CEP55: variants seen among roughly 807,000 people sequenced by gnomAD.
CEP55 encodes centrosomal protein of 55 kDa.
In CEP55, 57 loss-of-function variants were observed where a neutral mutation model predicts 63.2. The observed-to-expected ratio is 0.90, with a 90% CI of 0.73 to 1.13. The LOEUF is 1.13. CEP55 is among the 50% of genes most tolerant of loss of function. CEP55 has a pLI of 0.00. For synonymous variants in CEP55, 178 were observed against 191.6 expected, an observed-to-expected ratio of 0.93 and a Z score of 0.59; for missense variants, 456 against 518.9, an observed-to-expected ratio of 0.88 and a Z score of 1.18.
At chr10:93,526,521 G>A (rs1343934475) in intron 8 of CEP55, among the ~76,000 whole-genome samples, 1 of 152,206 alleles carries the variant, frequency 6.6e-6, no homozygotes, top group Non-Finnish European at 1.5e-5. Context: ...GTGGAAGTCA[G>A]TGTGGCAATT....
At chr10:93,512,514 CAAAA>C (rs10707952) in intron 4 of CEP55, among the ~76,000 whole-genome samples, 22 of 91,904 alleles carry the variant, frequency 2.4e-4, no homozygotes, top group South Asian at 4.0e-4. Context: ...AACTCCGTCT[CAAAA>C]AAAAAAAAAA....
At position 93,528,364 on chromosome 10, in the gene CEP55, A is replaced by G. The variant is rs770861276; in HGVS notation, c.*211A>G. 2.3e-5 allele frequency: 13 copies of G among 575,902 alleles called. No individual in the cohort carries two copies. Among genetic ancestry groups the G allele is most frequent in the Admixed American group, 3.1e-5 (1 of 31,838 alleles). 35.7% of individuals were successfully genotyped at this position (575,902 alleles called of 1,614,324 possible). ...TGACATGGTTCATCATCAGGCTGCA[A>G]TGACAGAATGTGGTGAGCAGCGTCT... is the stretch of plus-strand genomic sequence containing the variant. On this transcript the variant is annotated 3_prime_UTR_variant, in exon 9 of 9. Coordinates refer to ENST00000371485, the MANE Select transcript of CEP55 (RefSeq NM_018131.5).
intron 3 of CEP55, among the ~76,000 whole-genome samples, chr10:93,506,726 C>G (rs1171746010): frequency 6.6e-6 from 1 of 152,156 alleles, no homozygotes; most frequent in Non-Finnish European, 1.5e-5. Flanking sequence ...GGCCACCAGG[C>G]TCAGCTAATT....
At chr10:93,501,667 CA>C (rs1266909831) in intron 2 of CEP55, among the ~76,000 whole-genome samples, 10 of 143,950 alleles carry the variant, frequency 6.9e-5, no homozygotes, top group South Asian at 2.2e-4. Flanking sequence ...ACTTCTGTCT[CA>C]AAAAAAAAAT....
rs751889850 is a variant in CEP55, at chr10:93,516,905, T to C, written c.680-30T>C. 5.0e-6 allele frequency: 7 copies of C among 1,394,684 alleles called. No homozygotes were observed. The East Asian group carries it at 1.4e-4, about 28-fold the overall frequency. 86.4% of individuals were successfully genotyped at this position (1,394,684 alleles called of 1,614,324 possible). ...CAGGAATATTATTTATTTTATAAAG[T>C]GAGTTGTGCCGTAATGTTGTTTGTC... On this transcript the variant is annotated intron_variant, in intron 5 of 8. Transcript: ENST00000371485.
chr10:93,524,785 A>G (rs560643598), intron 8 of CEP55, among the ~76,000 whole-genome samples: 3 of 152,240 alleles, frequency 2.0e-5, no homozygotes, highest in African/African-American at 7.2e-5. Flanking sequence ...CTGGTTCAAC[A>G]TACGCAAATC....
intron 3 of CEP55, 116 bp from the exon 4 acceptor site, chr10:93,506,872 C>G: frequency 1.3e-6 from 1 of 771,306 alleles, no homozygotes; most frequent in Non-Finnish European, 2.4e-6. Context: ...CCGTGCCCAG[C>G]CTAGATCTGG....
At chr10:93,522,280 C>T (rs894189544) in intron 8 of CEP55, among the ~76,000 whole-genome samples, 11 of 152,164 alleles carry the variant, frequency 7.2e-5, no homozygotes, top group African/African-American at 9.7e-5. Context: ...ACGAGAACAA[C>T]ATGACGAATG....
chr10:93,523,915 G>C (rs1279239165), intron 8 of CEP55, among the ~76,000 whole-genome samples: 2 of 152,212 alleles, frequency 1.3e-5, no homozygotes, highest in Non-Finnish European at 2.9e-5. Context: ...CAACATACCA[G>C]AATCTCTGGG....
rs1438128882 is a variant in CEP55, at chr10:93,526,600, G to C, written c.1192-1350G>C. Among the ~76,000 whole-genome samples, 6 of 152,220 alleles carry C rather than the reference G, an allele frequency of 3.9e-5. No homozygotes were observed. The East Asian group carries it at 9.7e-4, about 24-fold the overall frequency. ...CATTACTGGGTATATACCCAAAGGAGTATAAATCATGCTGCTATAAAGACA... is the reference window on the plus strand; with the variant it reads ...CATTACTGGGTATATACCCAAAGGACTATAAATCATGCTGCTATAAAGACA... On this transcript the variant is annotated intron_variant, in intron 8 of 8. Coordinates refer to ENST00000371485, the MANE Select transcript of CEP55 (RefSeq NM_018131.5).
intron 8 of CEP55, among the ~76,000 whole-genome samples, chr10:93,521,256 G>A (rs1277034019): frequency 4.6e-5 from 7 of 152,098 alleles, no homozygotes; most frequent in Non-Finnish European, 1.5e-5. Context: ...CTAATACTGC[G>A]CTATTCCGAC....
intron 2 of CEP55, among the ~76,000 whole-genome samples, 173 bp downstream of exon 2, chr10:93,500,407 T>C (rs570356397): frequency 6.6e-6 from 1 of 152,326 alleles, no homozygotes; most frequent in Admixed American, 6.5e-5. Context: ...CTTTGCCAAG[T>C]CTTAGATGTA....
At chr10:93,518,454 A>G (rs1481360719) in intron 6 of CEP55, among the ~76,000 whole-genome samples, 1 of 152,068 alleles carries the variant, frequency 6.6e-6, no homozygotes, top group African/African-American at 2.4e-5. Context: ...CCAGCCTGCC[A>G]TCTTAGTCTT....
intron 4 of CEP55, 79 bp from the exon 5 acceptor site, chr10:93,515,326 C>T (rs997547437): frequency 3.0e-6 from 4 of 1,332,658 alleles, no homozygotes; most frequent in Admixed American, 4.2e-5. Context: ...GAAAAGACTA[C>T]ATCACTTGGA....
At chr10:93,521,140 G>C (rs968926313) in intron 8 of CEP55, among the ~76,000 whole-genome samples, 1 of 152,070 alleles carries the variant, frequency 6.6e-6, no homozygotes, top group African/African-American at 2.4e-5. Flanking sequence ...ACCGAAGCAG[G>C]GTGAGGCATC....
intron 6 of CEP55, 58 bp downstream of exon 6, chr10:93,517,306 G>C (rs1235688345): frequency 1.4e-6 from 2 of 1,409,522 alleles, no homozygotes; most frequent in African/African-American, 2.9e-5. Context: ...TAAGTGTCAG[G>C]GACTATTTGA....
At chr10:93,497,731 G>T in intron 1 of CEP55, among the ~76,000 whole-genome samples, 1 of 151,514 alleles carries the variant, frequency 6.6e-6, no homozygotes. Context: ...GTGGGGGTGG[G>T]GCAGCTATAT....
chr10:93,524,576 C>CTA (rs2057900225), intron 8 of CEP55, among the ~76,000 whole-genome samples: 1 of 152,182 alleles, frequency 6.6e-6, no homozygotes, highest in Admixed American at 6.5e-5. Context: ...GGAGTCCTCC[C>CTA]TAACTCATTT....
chr10:93,515,481 T>C lies in CEP55; in HGVS notation c.605T>C (p.Ile202Thr). 6.2e-7 allele frequency: 1 copy of C among 1,613,884 alleles called. No individual in the cohort carries two copies. Among genetic ancestry groups the C allele is most frequent in the Non-Finnish European group, 8.5e-7 (1 of 1,179,822 alleles). Residue 202 changes from isoleucine to threonine, a missense_variant, in exon 5 of 9, where the codon ATC becomes ACC. By Grantham distance (89) the Ile-to-Thr change is moderately conservative. Coordinates refer to ENST00000371485, the MANE Select transcript of CEP55 (RefSeq NM_018131.5). ...TATGTAAAAGGACTTTTAGCAAAGA[T>C]CTTTGAGTTGGAAAAGAAAACGGAA... ...EVYVKGLLAK[I>T]FELEKKTETA...
Sources: gnomAD v4.1 joint callset for allele counts (sites outside exome capture counted in the v4.1 genomes callset) on GRCh38, gnomAD v4.1.1 for gene constraint, MANE v1.5 for transcripts, NCBI Gene and HGNC (gene_info 2026-07-23, HGNC 2026-07-21) for gene names.